Variants in LARGE1 observed in about 807,000 individuals in gnomAD.
LARGE1 encodes the protein LARGE xylosyl- and glucuronyltransferase 1.
A neutral mutation model predicts 87.6 loss-of-function variants in LARGE1; 43 were observed. That is an observed-to-expected ratio of 0.49 (90% CI 0.38 to 0.63). LARGE1 has a LOEUF of 0.63. LARGE1 is among the 30% of genes least tolerant of loss of function. LARGE1 has a pLI of 0.00. For synonymous variants in LARGE1, 434 were observed against 394.6 expected (o/e 1.10, Z -1.18); for missense variants, 802 against 1,000.2 (o/e 0.80, Z 2.67).
intron 6 of LARGE1, among the ~76,000 whole-genome samples, chr22:33,540,535 C>T (rs1265064795): frequency 6.6e-6 from 1 of 152,240 alleles, no homozygotes; most frequent in Non-Finnish European, 1.5e-5. Context: ...TCCTCCCAAA[C>T]AGTACCCTGC....
At chr22:33,110,046 C>G in the LARGE1 span, among the ~76,000 whole-genome samples, 1 of 152,200 alleles carries the variant, frequency 6.6e-6, no homozygotes, top group South Asian at 2.1e-4. Context: ...TTACTCATCC[C>G]CTAAGTGTTC....
At chr22:33,261,395 C>G (rs1318356703) in intron 11 of LARGE1, among the ~76,000 whole-genome samples, 1 of 152,194 alleles carries the variant, frequency 6.6e-6, no homozygotes, top group Non-Finnish European at 1.5e-5. Context: ...AGGCTCCCCT[C>G]TCTTCTTTAC....
chr22:33,747,735 T>C (rs537272809), intron 2 of LARGE1: 3 of 152,348 alleles, frequency 2.0e-5, no homozygotes, highest in African/African-American at 7.2e-5. Flanking sequence ...CCCAGTGCCC[T>C]AGACAGTGCC....
intron 4 of LARGE1, among the ~76,000 whole-genome samples, chr22:33,614,949 C>T (rs2079541235): frequency 6.6e-6 from 1 of 152,164 alleles, no homozygotes; most frequent in South Asian, 2.1e-4. Flanking sequence ...CCCATGCTGT[C>T]GCCTTTTCCT....
At chr22:33,854,071 A>T (rs905997166) in intron 1 of LARGE1, among the ~76,000 whole-genome samples, 5 of 152,172 alleles carry the variant, frequency 3.3e-5, no homozygotes, top group African/African-American at 1.2e-4. Context: ...ATTGTGGATT[A>T]AAAAATCTAC....
chr22:33,272,351 C>A (rs888093285), downstream of LARGE1, among the ~76,000 whole-genome samples: 1 of 152,138 alleles, frequency 6.6e-6, no homozygotes, highest in Non-Finnish European at 1.5e-5. Context: ...GAGAGAAAGT[C>A]AATGATATGC....
At chr22:33,391,465 C>T (rs1208899050) in intron 7 of LARGE1, among the ~76,000 whole-genome samples, 1 of 152,026 alleles carries the variant, frequency 6.6e-6, no homozygotes, top group Non-Finnish European at 1.5e-5. Flanking sequence ...ATGATGTCTA[C>T]ACTGAAACTT....
intron 6 of LARGE1, among the ~76,000 whole-genome samples, chr22:33,450,733 T>C (rs1209562014): frequency 6.6e-6 from 1 of 152,200 alleles, no homozygotes; most frequent in Non-Finnish European, 1.5e-5. Context: ...TGAAACTGAC[T>C]TGCTGTGAGG....
chr22:33,534,469 G>A (rs1011653114), intron 6 of LARGE1, among the ~76,000 whole-genome samples: 1 of 151,912 alleles, frequency 6.6e-6, no homozygotes, highest in African/African-American at 2.4e-5. Flanking sequence ...GCATCCACGA[G>A]TGAGGGTCCA....
intron 3 of LARGE1, among the ~76,000 whole-genome samples, chr22:33,645,312 T>C (rs2080573705): frequency 6.6e-6 from 1 of 152,180 alleles, no homozygotes; most frequent in Non-Finnish European, 1.5e-5. Context: ...ATCTGATCTT[T>C]GACAAACCTG....
chr22:33,376,274 T>A (rs1156297546), intron 9 of LARGE1, among the ~76,000 whole-genome samples: 1 of 152,246 alleles, frequency 6.6e-6, no homozygotes, highest in Non-Finnish European at 1.5e-5. Context: ...TGCACTGTTT[T>A]CAAGTTCTTG....
chr22:33,779,559 C>A (rs963685191), intron 1 of LARGE1, among the ~76,000 whole-genome samples: 3 of 151,950 alleles, frequency 2.0e-5, no homozygotes, highest in African/African-American at 7.3e-5. Context: ...GTGGGTGGAT[C>A]ACCAGAGGTC....
intron 10 of LARGE1, among the ~76,000 whole-genome samples, chr22:33,323,121 C>CA (rs199630671): frequency 0.047 from 7,069 of 151,594 alleles, 284 homozygotes; most frequent in African/African-American, 0.12. Context: ...GGCTCTGTCT[C>CA]AAAAAACAAC....
At chr22:33,688,601 T>C (rs1007202856) in intron 2 of LARGE1, among the ~76,000 whole-genome samples, 1 of 152,180 alleles carries the variant, frequency 6.6e-6, no homozygotes, top group African/African-American at 2.4e-5. Context: ...TCTGCCTGCC[T>C]TGGCCTCCCA....
Position 33,547,775 on chromosome 22 carries a change from C to T in LARGE1, c.787+17073G>A, listed in dbSNP as rs559286623. Among the ~76,000 whole-genome samples, 3 of 111,848 alleles carry T rather than the reference C, an allele frequency of 2.7e-5. No homozygotes were observed. The East Asian group carries it at 8.2e-4, about 31-fold the overall frequency. The allele number at this position is 111,848 out of a possible 152,430, so 73.4% of individuals were successfully genotyped here. A position where few individuals can be genotyped will look rare whatever the true frequency, so the allele number is the denominator to read the frequency against. On this transcript the variant is annotated intron_variant, in intron 6 of 14. Coordinates refer to ENST00000397394, the MANE Select transcript of LARGE1 (RefSeq NM_133642.5). ...TGCCACTGCACTCCAGCCTGGACGA[C>T]AGAGTGAGACTCCATCTCAAAAAAA...
intron 1 of LARGE1, among the ~76,000 whole-genome samples, chr22:33,781,393 C>T (rs1015597818): frequency 4.6e-5 from 7 of 152,128 alleles, no homozygotes; most frequent in Middle Eastern, 3.4e-3. Flanking sequence ...CCCAGCTACT[C>T]GGGAGGCTGA....
At chr22:33,404,803 G>A (rs1016987313) in intron 7 of LARGE1, among the ~76,000 whole-genome samples, 1 of 152,204 alleles carries the variant, frequency 6.6e-6, no homozygotes, top group South Asian at 2.1e-4. Flanking sequence ...GGGGAAGGGG[G>A]TTGGAGCCAA....
At chr22:33,191,280 TA>T (rs137412) in intron 11 of LARGE1, among the ~76,000 whole-genome samples, 90,633 of 152,026 alleles carry the variant, frequency 0.6, 27,290 homozygotes, top group Middle Eastern at 0.66. Flanking sequence ...CTGCTACAAC[TA>T]AAAAAGAATT....
chr22:33,693,835 G>GA (rs899319765), intron 2 of LARGE1, among the ~76,000 whole-genome samples: 46 of 145,868 alleles, frequency 3.2e-4, no homozygotes, highest in Middle Eastern at 3.5e-3. Flanking sequence ...ATTAAAAAAA[G>GA]AAAAAAAAAA....
Sources: gnomAD v4.1 joint callset for allele counts (sites outside exome capture counted in the v4.1 genomes callset) on GRCh38, gnomAD v4.1.1 for gene constraint, MANE v1.5 for transcripts, NCBI Gene and HGNC (gene_info 2026-07-23, HGNC 2026-07-21) for gene names.